Variants in GABRP observed in about 807,000 individuals in gnomAD.
GABRP encodes the protein gamma-aminobutyric acid type A receptor subunit pi, also known as gamma-aminobutyric acid receptor subunit pi.
In GABRP, 52 loss-of-function variants were observed where a neutral mutation model predicts 47.8. The ratio of observed to expected loss-of-function variants is 1.09; its 90% CI spans 0.87 to 1.37. The LOEUF is 1.37. Among genes scored for constraint, GABRP ranks in the 40% most tolerant of loss-of-function variants. The pLI, the probability that GABRP is intolerant of heterozygous loss-of-function variation, is 0.00. For missense variants in GABRP, 525 were observed against 542.8 expected, an observed-to-expected ratio of 0.97 and a Z score of 0.33; for synonymous variants, 221 against 205.8, an observed-to-expected ratio of 1.07 and a Z score of -0.63.
At chr5:170,811,314 C>T (rs1765877771) in intron 9 of GABRP, among the ~76,000 whole-genome samples, 1 of 151,624 alleles carries the variant, frequency 6.6e-6, no homozygotes, top group African/African-American at 2.4e-5. Context: ...CTCTCTCTGA[C>T]TTCACTACAC....
rs1284185264 is a variant in GABRP, at chr5:170,812,387, T to G, written c.*129T>G. On this transcript the variant is annotated 3_prime_UTR_variant, in exon 10 of 10. Coordinates refer to ENST00000265294, the MANE Select transcript of GABRP (RefSeq NM_014211.3). ...AGTGACTGAAATAATATTTGAGTCTTTCTGCTCAAAGAATGAAGCTCCAAC... is the reference window on the plus strand; with the variant it reads ...AGTGACTGAAATAATATTTGAGTCTGTCTGCTCAAAGAATGAAGCTCCAAC... 1.7e-5 allele frequency: 12 copies of G among 722,304 alleles called. No individual in the cohort carries two copies. The highest frequency in any genetic ancestry group is 2.7e-5 in the Non-Finnish European group (12 of 438,138). 44.7% of individuals were successfully genotyped at this position (722,304 alleles called of 1,614,324 possible).
intron 6 of GABRP, among the ~76,000 whole-genome samples, chr5:170,804,970 ATATATTATATATTATAT>A (rs950484104): frequency 3.1e-5 from 3 of 97,426 alleles, no homozygotes; most frequent in East Asian, 2.5e-4. Context: ...ATATACGTTT[ATATATTATATATTATAT>A]TATATTATAT....
chr5:170,809,851 C>A, intron 9 of GABRP, 96 bp downstream of exon 9: 1 of 1,137,716 alleles, frequency 8.8e-7, no homozygotes, highest in Non-Finnish European at 1.3e-6. Context: ...CCACCCCACC[C>A]GCAGTGATTC....
chr5:170,800,823 GT>G (rs1317490928), intron 6 of GABRP, among the ~76,000 whole-genome samples: 1 of 152,156 alleles, frequency 6.6e-6, no homozygotes. Context: ...GTGGGTGACT[GT>G]AATCCCAGCT....
rs1470651719 is a variant in GABRP at position 170,789,209 on chromosome 5, C to T, written c.134C>T (p.Thr45Ile). 3 of 1,613,960 alleles carry T rather than the reference C, an allele frequency of 1.9e-6. No homozygotes were observed. Among genetic ancestry groups the T allele is most frequent in the African/African-American group, 2.7e-5 (2 of 74,920 alleles). ...TCCCTGCCTGGCTTTGAGAACCTCA[C>T]AGCAGGATATAACAAATTTCTCAGG... ...KLSLPGFENL[T>I]AGYNKFLRPN... The change falls in exon 3 of 10, where the codon ACA becomes ATA. Residue 45 changes from threonine to isoleucine, a missense_variant. By Grantham distance (89) the Thr-to-Ile change is moderately conservative. Coordinates refer to ENST00000265294, the MANE Select transcript of GABRP (RefSeq NM_014211.3).
chr5:170,794,321 C>T (rs761841940), intron 4 of GABRP, 23 bp downstream of exon 4: 36 of 1,471,534 alleles, frequency 2.4e-5, no homozygotes, highest in Non-Finnish European at 3.4e-5. Context: ...CCTTTGTACT[C>T]TACCCAAGTA....
chr5:170,791,178 C>T (rs1765256190), intron 3 of GABRP, among the ~76,000 whole-genome samples: 1 of 152,234 alleles, frequency 6.6e-6, no homozygotes, highest in Non-Finnish European at 1.5e-5. Context: ...GGAGCTCATT[C>T]TGAGAACAGG....
Position 170,813,727 on chromosome 5 carries a change from C to A in GABRP, c.*1469C>A, listed in dbSNP as rs1765951987. On this transcript the variant is annotated 3_prime_UTR_variant, in exon 10 of 10. Coordinates refer to ENST00000265294, the MANE Select transcript of GABRP (RefSeq NM_014211.3). ...CTTTCCTGTCAGAAATAAACCAAGG[C>A]TCTAAAAGATGATTTCCCTTCTGTA... 6.6e-6 allele frequency: 1 copy of A among 152,152 alleles called. No individual in the cohort carries two copies. The highest frequency in any genetic ancestry group is 1.5e-5 in the Non-Finnish European group (1 of 68,042). 9.4% of individuals were successfully genotyped at this position (152,152 alleles called of 1,614,324 possible). A position where few individuals can be genotyped will look rare whatever the true frequency, so the allele number is the denominator to read the frequency against.
chr5:170,805,548 A>G (rs1480100248), intron 6 of GABRP, among the ~76,000 whole-genome samples, 168 bp from the exon 7 acceptor site: 1 of 152,218 alleles, frequency 6.6e-6, no homozygotes, highest in Admixed American at 6.5e-5. Flanking sequence ...CAGAGCAGAC[A>G]TTGCAATTGC....
chr5:170,801,155 C>G (rs1043908392), intron 6 of GABRP, among the ~76,000 whole-genome samples: 1 of 152,070 alleles, frequency 6.6e-6, no homozygotes, highest in Admixed American at 6.6e-5. Flanking sequence ...GTGAAGTAGC[C>G]GCACGGGGAC....
Position 170,788,650 on chromosome 5 carries a change from T to C in GABRP, c.35T>C (p.Leu12Pro), listed in dbSNP as rs1765185737. The C allele has an allele frequency of 6.2e-7, 1 of 1,614,044 alleles. No homozygotes were observed. The highest frequency in any genetic ancestry group is 1.1e-5 in the South Asian group (1 of 91,086). Reference sequence around the variant, plus strand: ...AGCCTCCACTTGGCCTTCGTGTGTCTGAGTCTCTTCACTGAGAGGTGAGCT... The same window carrying C: ...AGCCTCCACTTGGCCTTCGTGTGTCCGAGTCTCTTCACTGAGAGGTGAGCT... ...NYSLHLAFVC[L>P]SLFTERMCIQ... The change falls in exon 2 of 10, where the codon CTG (leucine) becomes CCG (proline). Residue 12 changes from leucine (L) to proline (P), a missense_variant. By Grantham distance (98) the Leu-to-Pro change is moderately conservative. Coordinates refer to ENST00000265294, the MANE Select transcript of GABRP (RefSeq NM_014211.3).
intron 6 of GABRP, among the ~76,000 whole-genome samples, chr5:170,799,601 A>G (rs1765532536): frequency 6.6e-6 from 1 of 152,152 alleles, no homozygotes; most frequent in East Asian, 1.9e-4. Flanking sequence ...GTCTGTTCAT[A>G]TCCTTCGCCC....
rs1357865751 is a variant in GABRP, at chr5:170,813,324, T to G, written c.*1066T>G. ...TTGCTCTAATGATCAGGAATGATGC[T>G]TATTAGAAAACAAACTGCTTGACCC... On this transcript the variant is annotated 3_prime_UTR_variant, in exon 10 of 10. Coordinates refer to ENST00000265294, the MANE Select transcript of GABRP (RefSeq NM_014211.3). 1 of 152,222 alleles carries G rather than the reference T, an allele frequency of 6.6e-6. No individual in the cohort carries two copies. The allele number at this position is 152,222 out of a possible 1,614,324, so 9.4% of individuals were successfully genotyped here. A position where few individuals can be genotyped will look rare whatever the true frequency, so the allele number is the denominator to read the frequency against.
chr5:170,803,503 T>C (rs1765647841), intron 6 of GABRP, among the ~76,000 whole-genome samples: 1 of 152,134 alleles, frequency 6.6e-6, no homozygotes, highest in Non-Finnish European at 1.5e-5. Context: ...ATAACTTATA[T>C]ACGATAAAAT....
intron 7 of GABRP, among the ~76,000 whole-genome samples, chr5:170,808,342 A>C (rs1765789670): frequency 6.6e-6 from 1 of 152,200 alleles, no homozygotes; most frequent in Admixed American, 6.5e-5. Flanking sequence ...GACGTCAAGA[A>C]AACCAGTATT....
chr5:170,795,482 A>G (rs1765403021), intron 5 of GABRP, 57 bp downstream of exon 5: 2 of 1,402,106 alleles, frequency 1.4e-6, no homozygotes, highest in Non-Finnish European at 2.0e-6. Context: ...GAAAACATGC[A>G]GATGTGTCTT....
chr5:170,786,005 T>C (rs1418733451), intron 1 of GABRP, among the ~76,000 whole-genome samples: 1 of 152,226 alleles, frequency 6.6e-6, no homozygotes, highest in Non-Finnish European at 1.5e-5. Flanking sequence ...CCCTGCTCTT[T>C]TGCATACCAA....
At chr5:170,808,803 ACTTT>A (rs1561815915) in intron 8 of GABRP, 51 bp downstream of exon 8, 2 of 1,551,682 alleles carry the variant, frequency 1.3e-6, no homozygotes, top group Non-Finnish European at 1.8e-6. Flanking sequence ...CAGGTTACTT[ACTTT>A]TTTTCCTTTT....
chr5:170,796,214 G>A (rs1047230211), intron 5 of GABRP, among the ~76,000 whole-genome samples: 1 of 152,190 alleles, frequency 6.6e-6, no homozygotes, highest in Non-Finnish European at 1.5e-5. Flanking sequence ...CCGATAAACT[G>A]AATTTCTGGA....
Sources: gnomAD v4.1 joint callset for allele counts (sites outside exome capture counted in the v4.1 genomes callset) on GRCh38, gnomAD v4.1.1 for gene constraint, MANE v1.5 for transcripts, NCBI Gene and HGNC (gene_info 2026-07-23, HGNC 2026-07-21) for gene names.